GRIK1: variants seen among roughly 807,000 people sequenced by gnomAD.
GRIK1 encodes glutamate receptor ionotropic, kainate 1.
A neutral mutation model predicts 105.7 loss-of-function variants in GRIK1; 69 were observed. That is an observed-to-expected ratio of 0.65 (90% CI 0.54 to 0.80). The LOEUF (loss-of-function observed/expected upper bound fraction) is 0.80. GRIK1 is among the 30% of genes least tolerant of loss of function. GRIK1 has a pLI of 0.00. For missense variants in GRIK1, 1,109 were observed against 1,167.3 expected, an observed-to-expected ratio of 0.95 and a Z score of 0.73; for synonymous variants, 438 against 431.3, an observed-to-expected ratio of 1.02 and a Z score of -0.19.
chr21:29,922,202 A>G (rs1241742155), intron 1 of GRIK1, among the ~76,000 whole-genome samples: 1 of 152,142 alleles, frequency 6.6e-6, no homozygotes, highest in Admixed American at 6.6e-5. Flanking sequence ...ACTACCTTCT[A>G]CTTTGGAGTA....
chr21:29,636,541 A>G (rs909578042), intron 7 of GRIK1, among the ~76,000 whole-genome samples: 10 of 152,228 alleles, frequency 6.6e-5, no homozygotes, highest in Non-Finnish European at 1.5e-4. Flanking sequence ...ATTTGTTGAT[A>G]TGGAGGTAGC....
At chr21:29,711,103 TG>T (rs1317863232) in intron 1 of GRIK1, among the ~76,000 whole-genome samples, 1 of 152,178 alleles carries the variant, frequency 6.6e-6, no homozygotes, top group East Asian at 1.9e-4. Flanking sequence ...GTTATTTCAG[TG>T]TTTTTTTAAC....
At chr21:29,684,790 G>A (rs966737612) in intron 3 of GRIK1, among the ~76,000 whole-genome samples, 3 of 152,158 alleles carry the variant, frequency 2.0e-5, no homozygotes, top group Middle Eastern at 3.4e-3. Context: ...GATTATAGGC[G>A]TGAGCCACCA....
At chr21:29,706,530 T>A (rs2063911945) in intron 1 of GRIK1, among the ~76,000 whole-genome samples, 1 of 152,232 alleles carries the variant, frequency 6.6e-6, no homozygotes, top group South Asian at 2.1e-4. Context: ...TCCAACACTT[T>A]AAAATGAACT....
chr21:29,620,952 A>T (rs901140140), intron 7 of GRIK1, among the ~76,000 whole-genome samples: 2 of 145,348 alleles, frequency 1.4e-5, no homozygotes, highest in Non-Finnish European at 3.0e-5. Context: ...TATATTATTT[A>T]TATAATTCTA....
At chr21:29,730,309 G>A (rs555866143) in intron 1 of GRIK1, among the ~76,000 whole-genome samples, 1 of 152,120 alleles carries the variant, frequency 6.6e-6, no homozygotes, top group Non-Finnish European at 1.5e-5. Flanking sequence ...ATTCCCTTCT[G>A]AGAGGTAGGT....
At position 29,698,097 on chromosome 21, in the gene GRIK1, T is replaced by C. The variant is rs75702832; in HGVS notation, c.119-4034A>G. 3.3e-3 allele frequency among the ~76,000 whole-genome samples: 499 copies of C among 151,988 alleles called. 3 individuals are homozygous for C. The highest frequency in any genetic ancestry group is 5.2e-3 in the Admixed American group (79 of 15,256). On this transcript the variant is annotated intron_variant, in intron 1 of 17. Coordinates refer to ENST00000327783, the MANE Select transcript of GRIK1 (RefSeq NM_001330994.2). Reference sequence around the variant, plus strand: ...CCTTCCTCCCTTTTTACTTCTTTTGTATAATAATTGTGAGTGTGAGCTGTC... The same window carrying C: ...CCTTCCTCCCTTTTTACTTCTTTTGCATAATAATTGTGAGTGTGAGCTGTC...
intron 16 of GRIK1, chr21:29,553,181 G>A (rs2090165147): frequency 1.0e-6 from 1 of 980,468 alleles, no homozygotes; most frequent in Non-Finnish European, 1.2e-6. Flanking sequence ...TCACAAAGAT[G>A]AAAAGAAGTC....
chr21:29,886,529 A>G lies in GRIK1; in HGVS notation c.118+52854T>C, dbSNP rs932475216. On this transcript the variant is annotated intron_variant, in intron 1 of 17. Coordinates refer to ENST00000327783, the MANE Select transcript of GRIK1 (RefSeq NM_001330994.2). Reference sequence around the variant, plus strand: ...GGAGAAGGGCATTCACTTGTTTTCTATTGAATGACTTCTATTCTATGTACA... The same window carrying G: ...GGAGAAGGGCATTCACTTGTTTTCTGTTGAATGACTTCTATTCTATGTACA... Among the ~76,000 whole-genome samples the G allele has an allele frequency of 2.6e-5, 4 of 152,144 alleles. No individual in the cohort carries two copies. In the South Asian group the frequency reaches 6.2e-4, roughly 24 times the overall value.
rs75176827 is a variant in GRIK1 at position 29,907,170 on chromosome 21, G to GA, written c.118+32212dup. On this transcript the variant is annotated intron_variant, in intron 1 of 17. Transcript: ENST00000327783. ...TTGTTTTTGTTTTTCTACTCTTACA[G>GA]AAAAAAAAAAGAATTCAATACAATC... Among the ~76,000 whole-genome samples the GA allele has an allele frequency of 8.6e-3, 1,235 of 143,832 alleles. 17 individuals are homozygous for GA. The highest frequency in any genetic ancestry group is 0.012 in the Non-Finnish European group (756 of 65,378). 94.4% of individuals were successfully genotyped at this position (143,832 alleles called of 152,430 possible).
intron 1 of GRIK1, among the ~76,000 whole-genome samples, chr21:29,826,316 T>C (rs541013033): frequency 5.3e-5 from 8 of 152,236 alleles, no homozygotes; most frequent in African/African-American, 1.9e-4. Context: ...TACTTTTATG[T>C]GTCAACTGGG....
intron 1 of GRIK1, among the ~76,000 whole-genome samples, chr21:29,878,152 G>T (rs1276481688): frequency 6.6e-6 from 1 of 152,094 alleles, no homozygotes; most frequent in Non-Finnish European, 1.5e-5. Context: ...TTAGAGAATG[G>T]AATTGGTAGG....
chr21:29,892,499 A>C lies in GRIK1; in HGVS notation c.118+46884T>G, dbSNP rs573194950. On this transcript the variant is annotated intron_variant, in intron 1 of 17. Coordinates refer to ENST00000327783, the MANE Select transcript of GRIK1 (RefSeq NM_001330994.2). ...ATTGGGAAAGTGATTGATGTGACTA[A>C]AACAACAGCAGTGATGAGTGCTGCT... Among the ~76,000 whole-genome samples the C allele has an allele frequency of 9.8e-5, 15 of 152,344 alleles. No homozygotes were observed. The East Asian group carries it at 1.5e-3, about 16-fold the overall frequency.
intron 1 of GRIK1, among the ~76,000 whole-genome samples, chr21:29,898,687 G>C (rs1421114261): frequency 6.6e-6 from 1 of 152,096 alleles, no homozygotes; most frequent in East Asian, 1.9e-4. Context: ...CTTTAATATA[G>C]TGTGCTTTTT....
chr21:29,543,376 A>G (rs1371838645), intron 16 of GRIK1, among the ~76,000 whole-genome samples: 1 of 152,204 alleles, frequency 6.6e-6, no homozygotes, highest in Non-Finnish European at 1.5e-5. Context: ...ACTCCCTTCC[A>G]AGAGAATTAA....
At chr21:29,600,365 C>T (rs2061496380) in intron 7 of GRIK1, among the ~76,000 whole-genome samples, 2 of 152,156 alleles carry the variant, frequency 1.3e-5, no homozygotes, top group African/African-American at 4.8e-5. Context: ...ACAGAACTCA[C>T]ATTGGGTATC....
chr21:29,677,461 C>T (rs1159879093), intron 3 of GRIK1, among the ~76,000 whole-genome samples: 1 of 151,994 alleles, frequency 6.6e-6, no homozygotes, highest in African/African-American at 2.4e-5. Context: ...ATCCAAATGG[C>T]CAATTCTAAA....
intron 1 of GRIK1, among the ~76,000 whole-genome samples, chr21:29,909,214 A>G (rs1265166259): frequency 6.6e-6 from 1 of 152,064 alleles, no homozygotes; most frequent in Non-Finnish European, 1.5e-5. Flanking sequence ...ATAATATTTA[A>G]CAGGGATCTT....
intron 3 of GRIK1, among the ~76,000 whole-genome samples, chr21:29,684,386 C>T (rs2063446216): frequency 6.6e-6 from 1 of 152,154 alleles, no homozygotes. Context: ...ATCTACCTAT[C>T]ATCTATCTAA....
Sources: allele counts gnomAD v4.1 joint callset (sites outside exome capture counted in the v4.1 genomes callset), GRCh38; gene constraint gnomAD v4.1.1; transcripts MANE v1.5; gene names NCBI Gene and HGNC (gene_info 2026-07-23, HGNC 2026-07-21).